Variants in PAGE2 observed in about 807,000 individuals in gnomAD.
PAGE2 encodes PAGE family member 2, also known as P antigen family member 2.
Under a neutral mutation model 7.5 loss-of-function variants are expected in PAGE2, and 6 were observed. The observed-to-expected ratio is 0.80, with a 90% CI of 0.44 to 1.57. PAGE2 has a LOEUF of 1.57. PAGE2 is among the 40% of genes most tolerant of loss of function. PAGE2 has a pLI of 0.01. For synonymous variants in PAGE2, 22 were observed against 25.4 expected (o/e 0.87, Z 0.41); for missense variants, 72 against 76.4 (o/e 0.94, Z 0.21).
At chrX:55,090,470 C>T in intron 2 of PAGE2, 32 bp from the exon 3 acceptor site, 1 of 1,130,050 alleles carries the variant, frequency 8.8e-7, no homozygotes, top group Non-Finnish European at 1.2e-6. Flanking sequence ...ATATTATTGA[C>T]TTTTTATTCA....
At chrX:55,089,959 A>G in intron 1 of PAGE2, 54 bp from the exon 2 acceptor site, 1 of 923,286 alleles carries the variant, frequency 1.1e-6, no homozygotes. Flanking sequence ...GAATGTTCAT[A>G]TATATAACTA....
chrX:55,090,296 CTCTCTA>C (rs2146474825), intron 2 of PAGE2, among the ~76,000 whole-genome samples, 192 bp downstream of exon 2: 1 of 106,457 alleles, frequency 9.4e-6, no homozygotes, highest in Non-Finnish European at 1.9e-5. Flanking sequence ...TTCTCTCTCT[CTCTCTA>C]TCTCTATGTA....
At chrX:55,089,420 G>T (rs1936633669) in intron 1 of PAGE2, among the ~76,000 whole-genome samples, 1 of 110,448 alleles carries the variant, frequency 9.1e-6, no homozygotes, top group Non-Finnish European at 1.9e-5. Flanking sequence ...AAACTCCTCA[G>T]TAGGGACGCG....
chrX:55,090,124 A>T lies in PAGE2; in HGVS notation c.84+20A>T, dbSNP rs367881680. On this transcript the variant is annotated intron_variant, in intron 2 of 4. Coordinates refer to ENST00000374968, the MANE Select transcript of PAGE2 (RefSeq NM_207339.4). The stretch of plus-strand genomic sequence containing the variant: ...GTGATTGTGAGTCTTTTAACATTTG[A>T]TGTTTTCTATTAACACAATTTATTT... 2.4e-5 allele frequency: 28 copies of T among 1,163,282 alleles called. No individual in the cohort carries two copies. Among genetic ancestry groups the T allele is most frequent in the Admixed American group, 4.4e-5 (2 of 45,210 alleles).
chrX:55,089,688 G>A (rs1355418501), intron 1 of PAGE2, among the ~76,000 whole-genome samples: 1 of 110,515 alleles, frequency 9.0e-6, no homozygotes, highest in Non-Finnish European at 1.9e-5. Flanking sequence ...TGGGACAAAA[G>A]CAGTAGTCAT....
Position 55,091,465 on chromosome X carries a change from A to G in PAGE2, c.319+8A>G, listed in dbSNP as rs1472169450. On this transcript the variant is annotated splice_region_variant and intron_variant, in intron 4 of 4. Coordinates refer to ENST00000374968, the MANE Select transcript of PAGE2 (RefSeq NM_207339.4). The stretch of plus-strand genomic sequence containing the variant: ...CTAAAGTGCTGGAAGCAGGTTTGTT[A>G]TTCATTTAAGATGCAAACTATTGTA... 8.3e-7 allele frequency: 1 copy of G among 1,199,854 alleles called. No homozygotes were observed. The highest frequency in any genetic ancestry group is 1.1e-6 in the Non-Finnish European group (1 of 892,258).
At position 55,090,001 on chromosome X, in the gene PAGE2, T is replaced by G. The variant is rs370209806; in HGVS notation, c.-8-12T>G. 8.8e-7 allele frequency: 1 copy of G among 1,139,804 alleles called. No homozygotes were observed. The highest frequency in any genetic ancestry group is 1.2e-6 in the Non-Finnish European group (1 of 834,435). 93.9% of individuals were successfully genotyped at this position (1,139,804 alleles called of 1,213,427 possible). A position where few individuals can be genotyped will look rare whatever the true frequency, so the allele number is the denominator to read the frequency against. ...TACACACTTTTTCCAAATAACAATA[T>G]TCTGTTTGCAGTGGGAAATATGAGT... On this transcript the variant is annotated splice_polypyrimidine_tract_variant and intron_variant, in intron 1 of 4. Coordinates refer to ENST00000374968, the MANE Select transcript of PAGE2 (RefSeq NM_207339.4).
intron 1 of PAGE2, among the ~76,000 whole-genome samples, 192 bp from the exon 2 acceptor site, chrX:55,089,821 T>C (rs763063090): frequency 9.0e-6 from 1 of 111,183 alleles, no homozygotes; most frequent in South Asian, 3.7e-4. Context: ...TTTCTATGCC[T>C]CTTCGACTAT....
At chrX:55,090,351 T>TA in intron 2 of PAGE2, 151 bp from the exon 3 acceptor site, 1 of 573,989 alleles carries the variant, frequency 1.7e-6, no homozygotes, top group Non-Finnish European at 2.8e-6. Flanking sequence ...TCTATCTATC[T>TA]ATCTATCTAT....
At position 55,089,966 on chromosome X, in the gene PAGE2, A is replaced by G. The variant is rs1374002564; in HGVS notation, c.-8-47A>G. ...TTGCCGTGGAATGTTCATATATATA[A>G]CTAAGTTCTTACACACTTTTTCCAA... On this transcript the variant is annotated intron_variant, in intron 1 of 4. Coordinates refer to ENST00000374968, the MANE Select transcript of PAGE2 (RefSeq NM_207339.4). 6.1e-6 allele frequency: 6 copies of G among 986,901 alleles called. 1 individual carries two copies. Among genetic ancestry groups the G allele is most frequent in the Non-Finnish European group, 8.5e-6 (6 of 702,244 alleles). 81.3% of individuals were successfully genotyped at this position (986,901 alleles called of 1,213,427 possible). A position where few individuals can be genotyped will look rare whatever the true frequency, so the allele number is the denominator to read the frequency against.
chrX:55,089,550 T>G (rs1051333492), intron 1 of PAGE2, among the ~76,000 whole-genome samples: 11 of 109,663 alleles, frequency 1.0e-4, no homozygotes, highest in African/African-American at 3.7e-4. Context: ...GAGCATAACG[T>G]TCACTCTGTT....
At chrX:55,090,842 C>A (rs1444149453) in intron 3 of PAGE2, among the ~76,000 whole-genome samples, 2 of 108,623 alleles carry the variant, frequency 1.8e-5, no homozygotes, top group African/African-American at 7.1e-5. Context: ...TGCCATAAAC[C>A]TTTTTCCAGA....
intron 2 of PAGE2, among the ~76,000 whole-genome samples, 182 bp from the exon 3 acceptor site, chrX:55,090,316 ATCTG>A (rs199928814): frequency 0.013 from 1,272 of 95,451 alleles, 59 homozygotes; most frequent in African/African-American, 0.05. Flanking sequence ...CTATGTATGT[ATCTG>A]TCTGTCTGTC....
At chrX:55,091,518 C>T in intron 4 of PAGE2, 61 bp downstream of exon 4, 1 of 1,187,470 alleles carries the variant, frequency 8.4e-7, no homozygotes, top group Non-Finnish European at 1.1e-6. Context: ...TTTTGTGTGA[C>T]ACAGAGGTAA....
chrX:55,090,369 C>G, intron 2 of PAGE2, 133 bp from the exon 3 acceptor site: 1 of 587,165 alleles, frequency 1.7e-6, no homozygotes, highest in East Asian at 3.7e-5. Flanking sequence ...TATCTATCAT[C>G]TATCTATCTA....
chrX:55,090,756 C>G (rs1321270395), intron 3 of PAGE2, 146 bp downstream of exon 3: 1 of 543,122 alleles, frequency 1.8e-6, no homozygotes, highest in Non-Finnish European at 2.8e-6. Context: ...AGGGGTGGGA[C>G]AAGGATGCAT....
chrX:55,089,067 C>T lies in PAGE2; in HGVS notation c.-45C>T, dbSNP rs1241692204. On this transcript the variant is annotated 5_prime_UTR_variant, in exon 1 of 5. Coordinates refer to ENST00000374968, the MANE Select transcript of PAGE2 (RefSeq NM_207339.4). ...AGAGAGAGTGTCTTCATTCTTTCCG[C>T]CATCTTGATTCTTTCTCACTGACCA... is the stretch of plus-strand genomic sequence containing the variant. 9.0e-6 allele frequency: 1 copy of T among 111,689 alleles called. No individual in the cohort carries two copies. Among genetic ancestry groups the T allele is most frequent in the Non-Finnish European group, 1.9e-5 (1 of 53,319 alleles). 9.2% of individuals were successfully genotyped at this position (111,689 alleles called of 1,213,427 possible). A position where few individuals can be genotyped will look rare whatever the true frequency, so the allele number is the denominator to read the frequency against.
chrX:55,090,328 G>GTCTGTCTA (rs1557255255), intron 2 of PAGE2, among the ~76,000 whole-genome samples, 174 bp from the exon 3 acceptor site: 12 of 102,050 alleles, frequency 1.2e-4, no homozygotes, highest in Non-Finnish European at 1.8e-4. Flanking sequence ...CTGTCTGTCT[G>GTCTGTCTA]TCTATCTATC....
chrX:55,090,290 C>G (rs1423127586), intron 2 of PAGE2, among the ~76,000 whole-genome samples, 186 bp downstream of exon 2: 1 of 107,339 alleles, frequency 9.3e-6, no homozygotes, highest in Non-Finnish European at 1.9e-5. Context: ...GGATATTTCT[C>G]TCTCTCTCTC....
Sources: gnomAD v4.1 joint callset for allele counts (sites outside exome capture counted in the v4.1 genomes callset) on GRCh38, gnomAD v4.1.1 for gene constraint, MANE v1.5 for transcripts, NCBI Gene and HGNC (gene_info 2026-07-23, HGNC 2026-07-21) for gene names.